The following PLD5 variants were observed in gnomAD, a reference collection of about 807,000 sequenced individuals.
The protein encoded by PLD5 is inactive phospholipase D5.
Under a neutral mutation model 61.1 loss-of-function variants are expected in PLD5, and 36 were observed. The ratio of observed to expected loss-of-function variants is 0.59; its 90% confidence interval spans 0.45 to 0.78. The LOEUF is 0.78. Among genes scored for constraint, PLD5 ranks in the 30% least tolerant of loss-of-function variants. The pLI is 0.00. For synonymous variants in PLD5, 243 were observed against 242.8 expected, an observed-to-expected ratio of 1.00 and a Z score of -0.01; for missense variants, 515 against 644.4, an observed-to-expected ratio of 0.80 and a Z score of 2.17.
chr1:242,182,753 G>T (rs1368466179), intron 5 of PLD5, among the ~76,000 whole-genome samples: 1 of 152,206 alleles, frequency 6.6e-6, no homozygotes, highest in Non-Finnish European at 1.5e-5. Flanking sequence ...TGAGGCACAG[G>T]AATCTCTTGA....
intron 1 of PLD5, among the ~76,000 whole-genome samples, chr1:242,353,431 C>T (rs1660584633): frequency 6.6e-6 from 1 of 152,196 alleles, no homozygotes; most frequent in Non-Finnish European, 1.5e-5. Context: ...TTTTGTAGTA[C>T]AGTACAGATT....
At chr1:242,107,591 T>C (rs1574307502) in intron 8 of PLD5, 80 bp downstream of exon 8, 3 of 1,312,726 alleles carry the variant, frequency 2.3e-6, no homozygotes, top group East Asian at 2.4e-5. Context: ...ACTTTACACA[T>C]AGGCGTATGC....
At chr1:242,154,178 T>A (rs943412664) in intron 5 of PLD5, among the ~76,000 whole-genome samples, 9 of 152,172 alleles carry the variant, frequency 5.9e-5, no homozygotes, top group African/African-American at 2.2e-4. Context: ...TTCTTGTGAT[T>A]TTTGCACATT....
At chr1:242,215,937 G>A (rs1670163325) in intron 5 of PLD5, among the ~76,000 whole-genome samples, 1 of 152,082 alleles carries the variant, frequency 6.6e-6, no homozygotes, top group African/African-American at 2.4e-5. Context: ...TTCTAAATCT[G>A]CCTTTTTTCA....
Position 242,378,748 on chromosome 1 carries a change from T to C in PLD5, c.190-30506A>G, listed in dbSNP as rs142350699. 2.6e-5 allele frequency among the ~76,000 whole-genome samples: 4 copies of C among 151,904 alleles called. No homozygotes were observed. In the East Asian group the frequency reaches 5.8e-4, roughly 22 times the overall value. On this transcript the variant is annotated intron_variant, in intron 1 of 9. Coordinates refer to ENST00000536534, the MANE Select transcript of PLD5 (RefSeq NM_001372062.1). ...CCCAGCTACTCAGGAGACTGAGACATGAGAATCACTTGAACCTGGGAGGTG... is the reference window on the plus strand; with the variant it reads ...CCCAGCTACTCAGGAGACTGAGACACGAGAATCACTTGAACCTGGGAGGTG...
At chr1:242,481,112 G>C (rs1428497343) in intron 1 of PLD5, among the ~76,000 whole-genome samples, 2 of 152,200 alleles carry the variant, frequency 1.3e-5, no homozygotes, top group African/African-American at 4.8e-5. Context: ...AACTGCTCCA[G>C]TGTACAGCTC....
chr1:242,144,187 A>ATTT (rs1664385328), intron 5 of PLD5, among the ~76,000 whole-genome samples: 1 of 120,500 alleles, frequency 8.3e-6, no homozygotes, highest in Non-Finnish European at 1.8e-5. Context: ...TATTTTTTTA[A>ATTT]AAAATATTAT....
intron 2 of PLD5, among the ~76,000 whole-genome samples, chr1:242,309,013 C>T (rs1418483532): frequency 6.6e-6 from 1 of 151,918 alleles, no homozygotes; most frequent in African/African-American, 2.4e-5. Flanking sequence ...AGAAGATGGC[C>T]TAAGGCAAGA....
At chr1:242,429,611 G>A (rs1294321211) in intron 1 of PLD5, among the ~76,000 whole-genome samples, 2 of 152,104 alleles carry the variant, frequency 1.3e-5, no homozygotes, top group Non-Finnish European at 2.9e-5. Context: ...CAGGAAATCT[G>A]CATGAAATAT....
intron 4 of PLD5, among the ~76,000 whole-genome samples, chr1:242,229,534 GATCA>G (rs1431108460): frequency 2.0e-5 from 3 of 152,048 alleles, no homozygotes; most frequent in Non-Finnish European, 4.4e-5. Flanking sequence ...TGGATCTATA[GATCA>G]ATTTGGGAAG....
chr1:242,241,918 GTATATATATATACGCT>G (rs1672060719), intron 4 of PLD5, among the ~76,000 whole-genome samples: 1 of 102,614 alleles, frequency 9.7e-6, no homozygotes, highest in Non-Finnish European at 1.9e-5. Context: ...TATACTTACT[GTATATATATATACGCT>G]TATATATATA....
Position 242,394,073 on chromosome 1 carries a change from T to C in PLD5, c.190-45831A>G, listed in dbSNP as rs994824570. On this transcript the variant is annotated intron_variant, in intron 1 of 9. Coordinates refer to ENST00000536534, the MANE Select transcript of PLD5 (RefSeq NM_001372062.1). ...ACTCCATCTCAAAAAAAAACATATATATATATGAGTATATATATGTATATA... is the reference window on the plus strand; with the variant it reads ...ACTCCATCTCAAAAAAAAACATATACATATATGAGTATATATATGTATATA... 2.1e-5 allele frequency among the ~76,000 whole-genome samples: 3 copies of C among 145,316 alleles called. 1 individual carries two copies. The highest frequency in any genetic ancestry group is 3.0e-5 in the Non-Finnish European group (2 of 66,734).
In PLD5 at chr1:242,211,267, G is replaced by A. The variant is rs570979494; in HGVS notation, c.735+8721C>T. Among the ~76,000 whole-genome samples, 61 of 152,288 alleles carry A rather than the reference G, an allele frequency of 4.0e-4. 1 individual carries two copies. In the Middle Eastern group the frequency reaches 0.01, roughly 25 times the overall value. On this transcript the variant is annotated intron_variant, in intron 5 of 9. Coordinates refer to ENST00000536534, the MANE Select transcript of PLD5 (RefSeq NM_001372062.1). ...TACACACAAACCTTCTTGGAAGGCC[G>A]GAAGGTTTTGCAAAAGTTTCAGGAT...
intron 5 of PLD5, among the ~76,000 whole-genome samples, chr1:242,157,219 T>G (rs986951840): frequency 2.4e-4 from 36 of 152,230 alleles, no homozygotes; most frequent in Non-Finnish European, 7.3e-5. Flanking sequence ...ATCTATGTTC[T>G]TCTCTAAACT....
rs781428918 is a variant in PLD5, at chr1:242,220,038, G to C, written c.685C>G (p.Gln229Glu). 5.6e-6 allele frequency: 9 copies of C among 1,614,224 alleles called. No homozygotes were observed. The highest frequency in any genetic ancestry group is 7.6e-6 in the Non-Finnish European group (9 of 1,180,036). Reference sequence around the variant, plus strand: ...CCGGCACTGCCGATATACACGTGCTGTTTGTCCACGATCCAGAAGGAGGAC... The same window carrying C: ...CCGGCACTGCCGATATACACGTGCTCTTTGTCCACGATCCAGAAGGAGGAC... ...LQSSFWIVDK[Q>E]HVYIGSAGLD... The change falls in exon 5 of 10, where the codon CAG (glutamine) becomes GAG (glutamate). Residue 229 changes from glutamine to glutamate, a missense_variant. Transcript: ENST00000536534.
Position 242,378,584 on chromosome 1 carries a change from T to C in PLD5, c.190-30342A>G, listed in dbSNP as rs553210107. Among the ~76,000 whole-genome samples the C allele has an allele frequency of 4.6e-5, 7 of 152,326 alleles. No individual in the cohort carries two copies. The East Asian group carries it at 1.4e-3, about 29-fold the overall frequency. On this transcript the variant is annotated intron_variant, in intron 1 of 9. Coordinates refer to ENST00000536534, the MANE Select transcript of PLD5 (RefSeq NM_001372062.1). Reference sequence around the variant, plus strand: ...ATCCAGGCATGGTGGCTTGCACCTGTAATCCCAGCACTTTGGTAGGCTGAG... The same window carrying C: ...ATCCAGGCATGGTGGCTTGCACCTGCAATCCCAGCACTTTGGTAGGCTGAG...
At chr1:242,145,185 C>A (rs1477325059) in intron 5 of PLD5, among the ~76,000 whole-genome samples, 1 of 152,130 alleles carries the variant, frequency 6.6e-6, no homozygotes, top group Admixed American at 6.5e-5. Flanking sequence ...GCTCTGTATC[C>A]CCCTGGGTGG....
intron 1 of PLD5, among the ~76,000 whole-genome samples, chr1:242,431,396 G>A (rs895455157): frequency 6.6e-6 from 1 of 152,238 alleles, no homozygotes; most frequent in African/African-American, 2.4e-5. Flanking sequence ...TCTAGCGACT[G>A]AGGATAAGAG....
rs1377785529 is a variant in PLD5 at position 242,084,967 on chromosome 1, GA to G, written c.*4886del. On this transcript the variant is annotated 3_prime_UTR_variant, in exon 10 of 10. Transcript: ENST00000536534. ...AAAGAAATGCCTCATCTCACAGTAT[GA>G]AAAAGCCATCTAATATTTACTTCTG... 1 of 151,832 alleles carries G rather than the reference GA, an allele frequency of 6.6e-6. No homozygotes were observed. The allele number at this position is 151,832 out of a possible 1,614,324, so 9.4% of individuals were successfully genotyped here.
Sources: gnomAD v4.1 joint callset for allele counts (sites outside exome capture counted in the v4.1 genomes callset) on GRCh38, gnomAD v4.1.1 for gene constraint, MANE v1.5 for transcripts, NCBI Gene and HGNC (gene_info 2026-07-23, HGNC 2026-07-21) for gene names.